GSK3B: variants seen among roughly 807,000 people sequenced by gnomAD.
The protein encoded by GSK3B is glycogen synthase kinase 3 beta.
In GSK3B, 15 loss-of-function variants were observed where a neutral mutation model predicts 56.4. The ratio of observed to expected loss-of-function variants is 0.27; its 90% CI spans 0.18 to 0.41. GSK3B has a LOEUF of 0.41. Among genes scored for constraint, GSK3B ranks in the 10% least tolerant of loss-of-function variants. The pLI, the probability that GSK3B is intolerant of heterozygous loss-of-function variation, is 1.00. For missense variants in GSK3B, 300 were observed against 513.4 expected, an observed-to-expected ratio of 0.58 and a Z score of 4.02; for synonymous variants, 181 against 188.9, an observed-to-expected ratio of 0.96 and a Z score of 0.34.
intron 7 of GSK3B, among the ~76,000 whole-genome samples, chr3:119,877,809 A>G (rs901929253): frequency 3.9e-5 from 6 of 152,236 alleles, no homozygotes; most frequent in East Asian, 1.9e-4. Flanking sequence ...AAAAGAAAGT[A>G]CATGGACCTG....
At chr3:120,016,596 A>G (rs965469492) in intron 1 of GSK3B, among the ~76,000 whole-genome samples, 1 of 152,202 alleles carries the variant, frequency 6.6e-6, no homozygotes, top group African/African-American at 2.4e-5. Context: ...AGCAAAACCT[A>G]AAACTCCAAA....
intron 1 of GSK3B, among the ~76,000 whole-genome samples, chr3:120,031,364 A>ATACTGGTTAATAAGCTTTAG (rs1324777910): frequency 6.6e-6 from 1 of 152,206 alleles, no homozygotes; most frequent in Non-Finnish European, 1.5e-5. Flanking sequence ...AATCCCTTTA[A>ATACTGGTTAATAAGCTTTAG]TACTGGTTAA....
intron 1 of GSK3B, among the ~76,000 whole-genome samples, chr3:120,004,890 C>T (rs893972286): frequency 3.9e-5 from 6 of 152,198 alleles, no homozygotes; most frequent in African/African-American, 9.6e-5. Flanking sequence ...CACAACTACT[C>T]GCCAGCAAGG....
At chr3:119,922,442 AGTG>A (rs1195830601) in intron 4 of GSK3B, among the ~76,000 whole-genome samples, 1 of 147,988 alleles carries the variant, frequency 6.8e-6, no homozygotes, top group Non-Finnish European at 1.5e-5. Flanking sequence ...TACAATATAT[AGTG>A]TATATTATAT....
chr3:119,938,989 TA>T (rs60945027), intron 3 of GSK3B, among the ~76,000 whole-genome samples: 4,335 of 141,554 alleles, frequency 0.031, 192 homozygotes, highest in African/African-American at 0.1. Context: ...AAGATCTAGT[TA>T]AAAAAAAAAT....
intron 2 of GSK3B, among the ~76,000 whole-genome samples, chr3:119,999,116 T>C (rs1166049999): frequency 2.0e-5 from 3 of 152,210 alleles, no homozygotes; most frequent in Non-Finnish European, 4.4e-5. Context: ...AATTAGGGTA[T>C]ATCCACACAA....
chr3:119,866,348 T>C (rs1054040137), intron 8 of GSK3B, among the ~76,000 whole-genome samples: 1 of 152,210 alleles, frequency 6.6e-6, no homozygotes, highest in African/African-American at 2.4e-5. Flanking sequence ...ATAATAATTT[T>C]AAAACCCCAC....
intron 2 of GSK3B, among the ~76,000 whole-genome samples, chr3:119,982,106 C>T (rs1007253005): frequency 2.6e-5 from 4 of 152,208 alleles, no homozygotes; most frequent in Non-Finnish European, 2.9e-5. Context: ...CAAACTCCAA[C>T]AGACCTGCAG....
intron 1 of GSK3B, among the ~76,000 whole-genome samples, chr3:120,039,456 C>T (rs1046882824): frequency 1.3e-5 from 2 of 152,138 alleles, no homozygotes; most frequent in African/African-American, 4.8e-5. Flanking sequence ...TCAAACTCAA[C>T]TTTCTTGTTT....
intron 10 of GSK3B, among the ~76,000 whole-genome samples, chr3:119,837,937 C>T (rs1203848744): frequency 1.4e-5 from 1 of 69,790 alleles, no homozygotes; most frequent in African/African-American, 6.2e-5. Context: ...CTACGTTGAC[C>T]ATTCACATAT....
At chr3:120,072,111 G>T (rs756888683) in intron 1 of GSK3B, among the ~76,000 whole-genome samples, 13 of 152,156 alleles carry the variant, frequency 8.5e-5, no homozygotes, top group Non-Finnish European at 1.8e-4. Flanking sequence ...GAGGATGAGA[G>T]TCAATTATAC....
intron 1 of GSK3B, among the ~76,000 whole-genome samples, chr3:120,081,292 C>T (rs754130105): frequency 1.3e-5 from 2 of 151,128 alleles, no homozygotes; most frequent in African/African-American, 4.9e-5. Flanking sequence ...CGGTGGCTCA[C>T]ACCTGTAATC....
intron 8 of GSK3B, among the ~76,000 whole-genome samples, chr3:119,875,248 A>G (rs185787314): frequency 1.8e-3 from 279 of 152,162 alleles, no homozygotes; most frequent in Admixed American, 3.0e-3. Flanking sequence ...AGATTATAAG[A>G]ACTTGAAGAA....
chr3:120,085,450 C>A (rs2058455805), intron 1 of GSK3B, among the ~76,000 whole-genome samples: 1 of 152,202 alleles, frequency 6.6e-6, no homozygotes, highest in African/African-American at 2.4e-5. Flanking sequence ...ACACCACATA[C>A]TCAAAATCTA....
intron 8 of GSK3B, 52 bp downstream of exon 8, chr3:119,876,361 A>G: frequency 1.1e-6 from 1 of 924,758 alleles, no homozygotes; most frequent in Non-Finnish European, 1.8e-6. Context: ...ACAATGAGAA[A>G]CCTGTTTTAG....
At chr3:120,080,866 C>T (rs1448758631) in intron 1 of GSK3B, among the ~76,000 whole-genome samples, 1 of 151,772 alleles carries the variant, frequency 6.6e-6, no homozygotes, top group Non-Finnish European at 1.5e-5. Flanking sequence ...TTTCACAACT[C>T]CCCCACAATA....
intron 8 of GSK3B, chr3:119,866,623 C>T (rs200536812): frequency 1.3e-5 from 21 of 1,601,798 alleles, no homozygotes; most frequent in African/African-American, 5.4e-5. Context: ...CTGTTCCTGA[C>T]GAATCCTAAA....
intron 5 of GSK3B, among the ~76,000 whole-genome samples, chr3:119,914,759 T>G (rs749483367): frequency 1.1e-4 from 17 of 151,940 alleles, no homozygotes; most frequent in Non-Finnish European, 2.2e-4. Flanking sequence ...CAGAACAGAT[T>G]TACTTATTTT....
chr3:119,867,641 G>A (rs147397011), intron 8 of GSK3B, among the ~76,000 whole-genome samples: 12 of 152,134 alleles, frequency 7.9e-5, no homozygotes, highest in African/African-American at 1.9e-4. Flanking sequence ...TAGGCACAAC[G>A]GAGCCAAATA....
Sources: allele counts gnomAD v4.1 joint callset (sites outside exome capture counted in the v4.1 genomes callset), GRCh38; gene constraint gnomAD v4.1.1; transcripts MANE v1.5; gene names NCBI Gene and HGNC (gene_info 2026-07-23, HGNC 2026-07-21).